CSMD1: variants seen among roughly 807,000 people sequenced by gnomAD.
CSMD1 encodes the protein CUB and sushi domain-containing protein 1.
In CSMD1, 213 loss-of-function variants were observed where a neutral mutation model predicts 417.5. The ratio of observed to expected loss-of-function variants is 0.51; its 90% CI spans 0.46 to 0.57. The LOEUF (loss-of-function observed/expected upper bound fraction) is 0.57, where lower values mean the gene tolerates loss of function less well. CSMD1 is among the 20% of genes least tolerant of loss of function. The pLI is 0.00. For synonymous variants in CSMD1, 2,862 were observed against 1,736.8 expected (o/e 1.65, Z -16.11); for missense variants, 6,923 against 4,529.7 (o/e 1.53, Z -15.17).
At chr8:4,925,639 C>A (rs1267155018) in intron 1 of CSMD1, among the ~76,000 whole-genome samples, 6 of 151,802 alleles carry the variant, frequency 4.0e-5, no homozygotes, top group African/African-American at 1.5e-4. Flanking sequence ...CTCTGCCTCC[C>A]GGGTTCACGC....
intron 3 of CSMD1, among the ~76,000 whole-genome samples, chr8:4,156,386 C>T (rs1442755022): frequency 6.6e-6 from 1 of 152,092 alleles, no homozygotes; most frequent in African/African-American, 2.4e-5. Flanking sequence ...AAGCCAATGG[C>T]AAGTCCATAA....
intron 68 of CSMD1, among the ~76,000 whole-genome samples, chr8:2,947,475 C>T (rs927582023): frequency 6.6e-6 from 1 of 152,150 alleles, no homozygotes; most frequent in Admixed American, 6.6e-5. Flanking sequence ...GTAAAGTAAA[C>T]TGTTTTTCCT....
At chr8:2,960,003 T>C (rs1307719774) in intron 62 of CSMD1, among the ~76,000 whole-genome samples, 1 of 152,210 alleles carries the variant, frequency 6.6e-6, no homozygotes, top group Non-Finnish European at 1.5e-5. Flanking sequence ...TGTCATATGA[T>C]AGGTTATAGA....
At chr8:4,919,917 G>C (rs1040285979) in intron 1 of CSMD1, among the ~76,000 whole-genome samples, 2 of 152,142 alleles carry the variant, frequency 1.3e-5, no homozygotes, top group Admixed American at 6.5e-5. Context: ...CTTGGAAGCA[G>C]AGAACAGCCC....
chr8:4,810,559 G>T (rs1444909601), intron 1 of CSMD1, among the ~76,000 whole-genome samples: 1 of 152,186 alleles, frequency 6.6e-6, no homozygotes, highest in African/African-American at 2.4e-5. Context: ...GCGTATGTGT[G>T]TGTATGTGGG....
intron 62 of CSMD1, among the ~76,000 whole-genome samples, chr8:2,960,937 A>G (rs1459379797): frequency 1.3e-5 from 1 of 74,314 alleles, no homozygotes; most frequent in Non-Finnish European, 3.0e-5. Context: ...TCTAGTAAGC[A>G]AGATATATAT....
At chr8:3,886,406 A>G (rs577685426) in intron 5 of CSMD1, among the ~76,000 whole-genome samples, 1 of 152,316 alleles carries the variant, frequency 6.6e-6, no homozygotes, top group East Asian at 1.9e-4. Context: ...TAGTTGTGGT[A>G]GCAGTGATTT....
chr8:3,440,354 C>A (rs552842553), intron 12 of CSMD1, among the ~76,000 whole-genome samples: 32 of 152,150 alleles, frequency 2.1e-4, no homozygotes, highest in Admixed American at 1.7e-3. Context: ...GTCTATGAGT[C>A]CTATACATAT....
chr8:3,409,114 T>G (rs903561070), intron 13 of CSMD1, among the ~76,000 whole-genome samples: 2 of 152,230 alleles, frequency 1.3e-5, no homozygotes, highest in African/African-American at 4.8e-5. Flanking sequence ...TGTACTGATG[T>G]CTGATACAGC....
intron 19 of CSMD1, among the ~76,000 whole-genome samples, chr8:3,367,620 G>A (rs937851114): frequency 5.3e-5 from 8 of 151,946 alleles, no homozygotes; most frequent in Non-Finnish European, 7.4e-5. Flanking sequence ...GAAAGAGGAC[G>A]GCTTTAGAAA....
At chr8:3,700,021 T>C (rs949748377) in intron 7 of CSMD1, among the ~76,000 whole-genome samples, 1 of 152,184 alleles carries the variant, frequency 6.6e-6, no homozygotes, top group African/African-American at 2.4e-5. Context: ...GAGACTCTTA[T>C]AAATTCTTAG....
At chr8:4,485,645 A>G (rs1214302463) in intron 2 of CSMD1, among the ~76,000 whole-genome samples, 1 of 152,182 alleles carries the variant, frequency 6.6e-6, no homozygotes, top group Non-Finnish European at 1.5e-5. Context: ...CTTGTATGCT[A>G]TCGCAGAGCC....
intron 2 of CSMD1, among the ~76,000 whole-genome samples, chr8:4,535,412 G>C (rs6996668): frequency 2.0e-5 from 3 of 151,886 alleles, no homozygotes; most frequent in Admixed American, 6.6e-5. Flanking sequence ...ATGAACAATA[G>C]AATTCATTTG....
chr8:4,103,354 G>C (rs973150578), intron 3 of CSMD1, among the ~76,000 whole-genome samples: 1 of 151,354 alleles, frequency 6.6e-6, no homozygotes, highest in Non-Finnish European at 1.5e-5. Context: ...AGTTGGTTTT[G>C]AATTCCAGAT....
Position 4,310,465 on chromosome 8 carries a change from G to A in CSMD1, c.415+109488C>T, listed in dbSNP as rs200128295. ...CAGAAGTAGGAAGGATGAACAGCAT[G>A]CGTTATCTTTTATCTGCTGTTTATT... On this transcript the variant is annotated intron_variant, in intron 3 of 69. Coordinates refer to ENST00000635120, the MANE Select transcript of CSMD1 (RefSeq NM_033225.6). Among the ~76,000 whole-genome samples, 16 of 152,262 alleles carry A rather than the reference G, an allele frequency of 1.1e-4. No homozygotes were observed. In the East Asian group the frequency reaches 3.1e-3, roughly 29 times the overall value.
chr8:3,520,181 T>A lies in CSMD1; in HGVS notation c.1345-26455A>T, dbSNP rs192027662. ...AACCAGAACCGAGAAGAAGAGAATT[T>A]CACTTAAATTATAATTTTTAAAAGT... On this transcript the variant is annotated intron_variant, in intron 10 of 69. Coordinates refer to ENST00000635120, the MANE Select transcript of CSMD1 (RefSeq NM_033225.6). Among the ~76,000 whole-genome samples, 19 of 152,082 alleles carry A rather than the reference T, an allele frequency of 1.2e-4. No homozygotes were observed. In the East Asian group the frequency reaches 3.7e-3, roughly 29 times the overall value.
chr8:4,388,598 G>A (rs1057317689), intron 3 of CSMD1, among the ~76,000 whole-genome samples: 1 of 152,088 alleles, frequency 6.6e-6, no homozygotes, highest in African/African-American at 2.4e-5. Flanking sequence ...ATAGGGTACA[G>A]TGTATACTGC....
chr8:4,055,091 T>C (rs1798623208), intron 3 of CSMD1, among the ~76,000 whole-genome samples: 1 of 152,206 alleles, frequency 6.6e-6, no homozygotes, highest in Non-Finnish European at 1.5e-5. Flanking sequence ...AGATTATTAG[T>C]AACACATTTT....
rs373186292 is a variant in CSMD1 at position 3,676,500 on chromosome 8, A to G, written c.1009+31914T>C. ...ATTTAATTTCATAAATTGCCTGAAA[A>G]ATTTTATATCTCAGAAGCATATAGA... On this transcript the variant is annotated intron_variant, in intron 7 of 69. Coordinates refer to ENST00000635120, the MANE Select transcript of CSMD1 (RefSeq NM_033225.6). Among the ~76,000 whole-genome samples, 11 of 152,308 alleles carry G rather than the reference A, an allele frequency of 7.2e-5. No individual in the cohort carries two copies. In the East Asian group the frequency reaches 1.7e-3, roughly 24 times the overall value.
Sources: gnomAD v4.1 joint callset for allele counts (sites outside exome capture counted in the v4.1 genomes callset) on GRCh38, gnomAD v4.1.1 for gene constraint, MANE v1.5 for transcripts, NCBI Gene and HGNC (gene_info 2026-07-23, HGNC 2026-07-21) for gene names.